Variants in SCN10A observed in about 807,000 individuals in gnomAD.
SCN10A encodes the protein sodium voltage-gated channel alpha subunit 10.
SCN10A carries 162 observed loss-of-function variants against 170.7 expected under a neutral mutation model. The ratio of observed to expected loss-of-function variants is 0.95; its 90% confidence interval spans 0.84 to 1.08. The LOEUF (loss-of-function observed/expected upper bound fraction) is 1.08. Among genes scored for constraint, SCN10A ranks in the 50% least tolerant of loss-of-function variants. The pLI is 0.00. For missense variants in SCN10A, 2,527 were observed against 2,436.9 expected (o/e 1.04, Z -0.78); for synonymous variants, 985 against 904.6 (o/e 1.09, Z -1.59).
intron 14 of SCN10A, among the ~76,000 whole-genome samples, chr3:38,741,646 T>C (rs2063633743): frequency 6.6e-6 from 1 of 152,186 alleles, no homozygotes; most frequent in African/African-American, 2.4e-5. Flanking sequence ...AAATCCAGTA[T>C]GGATTGTATC....
rs1278000627 is a variant in SCN10A, at chr3:38,707,358, G to A, written c.4307C>T (p.Thr1436Ile). ...KKLGGQDIFM[T>I]EEQKKYYNAM... ...ATTGTAGTATTTCTTCTGCTCCTCT[G>A]TCATGAAGATGTCCTGGCCCCCTAA... is the stretch of plus-strand genomic sequence containing the variant. Residue 1436 changes from threonine to isoleucine, a missense_variant, in exon 26 of 28, where the codon ACA becomes ATA. By Grantham distance (89) the Thr-to-Ile change is moderately conservative. Coordinates refer to ENST00000449082, the MANE Select transcript of SCN10A (RefSeq NM_006514.4). 1.2e-6 allele frequency: 2 copies of A among 1,614,000 alleles called. No individual in the cohort carries two copies. The highest frequency in any genetic ancestry group is 2.7e-5 in the African/African-American group (2 of 74,906).
At chr3:38,762,449 G>A (rs944351329) in intron 6 of SCN10A, among the ~76,000 whole-genome samples, 1 of 152,148 alleles carries the variant, frequency 6.6e-6, no homozygotes, top group Non-Finnish European at 1.5e-5. Context: ...GAATGAGTGT[G>A]AGTTGAGTAA....
At chr3:38,806,020 AGAGGAAG>A in intron 1 of SCN10A, among the ~76,000 whole-genome samples, 1 of 152,256 alleles carries the variant, frequency 6.6e-6, no homozygotes, top group African/African-American at 2.4e-5. Context: ...ACTGAACAAG[AGAGGAAG>A]GAATGGGTGA....
intron 21 of SCN10A, among the ~76,000 whole-genome samples, chr3:38,717,812 A>C (rs1559419419): frequency 6.6e-6 from 1 of 152,342 alleles, no homozygotes; most frequent in South Asian, 2.1e-4. Flanking sequence ...ACCCTCAGCT[A>C]TGCGGCAGTG....
chr3:38,808,222 TG>T (rs1441829230), intron 1 of SCN10A, among the ~76,000 whole-genome samples: 1 of 138,302 alleles, frequency 7.2e-6, no homozygotes, highest in African/African-American at 2.8e-5. Context: ...GCTTGCTTTC[TG>T]CTTTGGTCTT....
In SCN10A at chr3:38,756,291, A is replaced by G. The variant is rs118176556; in HGVS notation, c.1291-333T>C. ...TTGGCTGCCTGCTTCTGGGATAGGTATGGGGAGGGTAAAAAAAAAAAGCTG... is the reference window on the plus strand; with the variant it reads ...TTGGCTGCCTGCTTCTGGGATAGGTGTGGGGAGGGTAAAAAAAAAAAGCTG... On this transcript the variant is annotated intron_variant, in intron 10 of 27. Transcript: ENST00000449082. Among the ~76,000 whole-genome samples, 4 of 149,774 alleles carry G rather than the reference A, an allele frequency of 2.7e-5. No homozygotes were observed. The East Asian group carries it at 8.0e-4, about 30-fold the overall frequency.
chr3:38,763,900 C>A (rs1281869833), intron 5 of SCN10A, among the ~76,000 whole-genome samples: 3 of 152,214 alleles, frequency 2.0e-5, no homozygotes, highest in African/African-American at 7.2e-5. Context: ...AAGGAGACCG[C>A]CATGTCAGGG....
chr3:38,743,298 C>G (rs527245666), intron 13 of SCN10A, among the ~76,000 whole-genome samples: 1 of 152,214 alleles, frequency 6.6e-6, no homozygotes, highest in Non-Finnish European at 1.5e-5. Context: ...GGCTCTACCC[C>G]TCCCACTTGT....
intron 3 of SCN10A, 75 bp downstream of exon 3, chr3:38,791,975 C>T: frequency 6.4e-7 from 1 of 1,553,760 alleles, no homozygotes; most frequent in Non-Finnish European, 8.7e-7. Context: ...TGTTGCTAAC[C>T]TCTAAAGAAG....
Position 38,752,264 on chromosome 3 carries a change from T to C in SCN10A, c.1710A>G (p.Gln570=). 2 of 1,567,650 alleles carry C rather than the reference T, an allele frequency of 1.3e-6. No homozygotes were observed. Among genetic ancestry groups the C allele is most frequent in the East Asian group, 2.4e-5 (1 of 42,294 alleles). ...PDSRHGEDEH[Q]PPPTSELAPG... ...GGGCAAGCTCACTAGTGGGCGGCGGTTGGTGTTCATCTTCTCCATGCCTGG... is the reference window on the plus strand; with the variant it reads ...GGGCAAGCTCACTAGTGGGCGGCGGCTGGTGTTCATCTTCTCCATGCCTGG... The change falls in exon 12 of 28, where the codon CAA becomes CAG. Residue 570 remains glutamine, a synonymous_variant. Coordinates refer to ENST00000449082, the MANE Select transcript of SCN10A (RefSeq NM_006514.4).
At chr3:38,763,131 C>T (rs2063893946) in intron 6 of SCN10A, among the ~76,000 whole-genome samples, 1 of 152,200 alleles carries the variant, frequency 6.6e-6, no homozygotes, top group African/African-American at 2.4e-5. Context: ...TGCTTTCTCC[C>T]TTCCTCCCCA....
rs896002211 is a variant in SCN10A at position 38,780,739 on chromosome 3, C to T, written c.470+8217G>A. ...ATGTTATACAAAAAGCAAATTCGAG[C>T]GATTTTCTTATTTGAGTTCAAAATG... On this transcript the variant is annotated intron_variant, in intron 4 of 27. Coordinates refer to ENST00000449082, the MANE Select transcript of SCN10A (RefSeq NM_006514.4). 3.3e-5 allele frequency among the ~76,000 whole-genome samples: 5 copies of T among 151,910 alleles called. No individual in the cohort carries two copies. In the South Asian group the frequency reaches 8.3e-4, roughly 25 times the overall value.
intron 5 of SCN10A, among the ~76,000 whole-genome samples, chr3:38,767,043 A>ATT (rs34804756): frequency 8.8e-4 from 131 of 149,058 alleles, no homozygotes; most frequent in East Asian, 3.9e-3. Context: ...GCCTTGAATG[A>ATT]TTTTTTTTTT....
In SCN10A at chr3:38,723,234, A is replaced by G. The variant is rs371995171; in HGVS notation, c.3352+196T>C. Among the ~76,000 whole-genome samples, 31 of 152,320 alleles carry G rather than the reference A, an allele frequency of 2.0e-4. 1 individual carries two copies. In the South Asian group the frequency reaches 6.2e-3, roughly 31 times the overall value. Reference sequence around the variant, plus strand: ...GTCTCTCCGTAGTGTCTGATAGGGCATGAGATGCAGATACCACGGCCAGGC... The same window carrying G: ...GTCTCTCCGTAGTGTCTGATAGGGCGTGAGATGCAGATACCACGGCCAGGC... On this transcript the variant is annotated intron_variant, in intron 19 of 27. Transcript: ENST00000449082.
Position 38,742,278 on chromosome 3 carries a change from C to T in SCN10A, c.2106+13G>A. 1.2e-6 allele frequency: 2 copies of T among 1,604,190 alleles called. No individual in the cohort carries two copies. The highest frequency in any genetic ancestry group is 1.7e-6 in the Non-Finnish European group (2 of 1,171,904). ...ACCACGCCAGTGAGGGCAGTACCAGCCAGAGCACTCACGATGTTGCCTATC... is the reference window on the plus strand; with the variant it reads ...ACCACGCCAGTGAGGGCAGTACCAGTCAGAGCACTCACGATGTTGCCTATC... On this transcript the variant is annotated intron_variant, in intron 14 of 27. Transcript: ENST00000449082.
At chr3:38,698,884 G>A (rs2125980814) in intron 27 of SCN10A, among the ~76,000 whole-genome samples, 1 of 152,336 alleles carries the variant, frequency 6.6e-6, no homozygotes, top group East Asian at 1.9e-4. Flanking sequence ...AGTGACTGCA[G>A]TTTATTCCAC....
At chr3:38,775,705 A>C (rs2064064537) in intron 4 of SCN10A, among the ~76,000 whole-genome samples, 2 of 152,190 alleles carry the variant, frequency 1.3e-5, no homozygotes, top group Admixed American at 1.3e-4. Flanking sequence ...TTGTTCAACT[A>C]TAAAATAAAA....
intron 21 of SCN10A, among the ~76,000 whole-genome samples, chr3:38,717,403 T>C (rs2063344263): frequency 6.6e-6 from 1 of 152,152 alleles, no homozygotes; most frequent in South Asian, 2.1e-4. Context: ...ACTGGTGAGA[T>C]CAACATAAGC....
intron 4 of SCN10A, among the ~76,000 whole-genome samples, chr3:38,784,055 A>T (rs1394899691): frequency 6.6e-6 from 1 of 152,110 alleles, no homozygotes; most frequent in Non-Finnish European, 1.5e-5. Context: ...GGTTGTTCTG[A>T]CATTTTTCTA....
Sources: gnomAD v4.1 joint callset for allele counts (sites outside exome capture counted in the v4.1 genomes callset) on GRCh38, gnomAD v4.1.1 for gene constraint, MANE v1.5 for transcripts, NCBI Gene and HGNC (gene_info 2026-07-23, HGNC 2026-07-21) for gene names.